Variants in MPI observed in about 807,000 individuals in gnomAD.
MPI encodes mannose-6-phosphate isomerase.
Under a neutral mutation model 40.1 loss-of-function variants are expected in MPI, and 33 were observed. The observed-to-expected ratio is 0.82, with a 90% CI of 0.62 to 1.10. The LOEUF (loss-of-function observed/expected upper bound fraction) is 1.10. Among genes scored for constraint, MPI ranks in the 50% least tolerant of loss-of-function variants. The pLI is 0.00. For missense variants in MPI, 514 were observed against 524.1 expected (o/e 0.98, Z 0.19); for synonymous variants, 187 against 207.4 (o/e 0.90, Z 0.85).
Position 74,897,202 on chromosome 15 carries a change from A to G in MPI, c.1036A>G (p.Thr346Ala), listed in dbSNP as rs1393245343. 1 of 1,613,982 alleles carries G rather than the reference A, an allele frequency of 6.2e-7. No homozygotes were observed. Among genetic ancestry groups the G allele is most frequent in the African/African-American group, 1.3e-5 (1 of 74,888 alleles). The change falls in exon 7 of 8, where the codon ACC becomes GCC. Residue 346 changes from threonine to alanine, a missense_variant. Transcript: ENST00000352410. Reference sequence around the variant, plus strand: ...CTATGACCCCCCTGTACCAGACTTCACCATTATGAAGACGGAGGTGAGTGA... The same window carrying G: ...CTATGACCCCCCTGTACCAGACTTCGCCATTATGAAGACGGAGGTGAGTGA... ...SIYDPPVPDF[T>A]IMKTEVPGSV...
Position 74,894,217 on chromosome 15 carries a change from G to A in MPI, c.670+897G>A, listed in dbSNP as rs543502559. Among the ~76,000 whole-genome samples the A allele has an allele frequency of 3.6e-5, 5 of 139,522 alleles. No individual in the cohort carries two copies. The South Asian group carries it at 1.1e-3, about 29-fold the overall frequency. The allele number at this position is 139,522 out of a possible 152,430, so 91.5% of individuals were successfully genotyped here. On this transcript the variant is annotated intron_variant, in intron 5 of 7. Transcript: ENST00000352410. Reference sequence around the variant, plus strand: ...TCCTGCTTCAGCCTCCTGAGTAGCTGGGATTACAGGCATGTGCCACCACAT... The same window carrying A: ...TCCTGCTTCAGCCTCCTGAGTAGCTAGGATTACAGGCATGTGCCACCACAT...
intron 3 of MPI, among the ~76,000 whole-genome samples, chr15:74,892,289 G>A (rs1303927473): frequency 1.3e-5 from 2 of 152,194 alleles, no homozygotes; most frequent in African/African-American, 4.8e-5. Flanking sequence ...ACCATGCCCA[G>A]CCAAAACTCC....
chr15:74,896,960 G>A, intron 6 of MPI, 51 bp from the exon 7 acceptor site: 1 of 1,571,202 alleles, frequency 6.4e-7, no homozygotes, highest in Non-Finnish European at 8.8e-7. Context: ...CCCAGAACTG[G>A]AGAGCTAAGG....
At chr15:74,897,264 T>C (rs1340814312) in intron 7 of MPI, 45 bp downstream of exon 7, 2 of 1,602,904 alleles carry the variant, frequency 1.2e-6, no homozygotes, top group Non-Finnish European at 1.7e-6. Flanking sequence ...GCCATGAAAA[T>C]CTCTGGCAAG....
intron 5 of MPI, chr15:74,895,913 A>C: frequency 1.8e-6 from 1 of 554,076 alleles, no homozygotes; most frequent in Non-Finnish European, 3.3e-6. Flanking sequence ...TTTAGTGGCT[A>C]GTATAGTCCT....
At chr15:74,891,092 A>G in intron 2 of MPI, 1 of 591,092 alleles carries the variant, frequency 1.7e-6, no homozygotes, top group African/African-American at 1.8e-5. Context: ...CTACCTTGAC[A>G]GTGCAGATGT....
chr15:74,890,142 G>A lies in MPI; in HGVS notation c.16+53G>A, dbSNP rs769702867. ...GTGTGTTCGTGGAGCGCGTCCTGGG[G>A]ACGACTCCCGGCATTATCGGCCAGG... On this transcript the variant is annotated intron_variant, in intron 1 of 7. Transcript: ENST00000352410. The A allele has an allele frequency of 2.5e-6, 4 of 1,603,574 alleles. No homozygotes were observed. The East Asian group carries it at 8.9e-5, about 36-fold the overall frequency.
intron 5 of MPI, chr15:74,893,570 T>C: frequency 3.2e-6 from 2 of 615,686 alleles, no homozygotes; most frequent in Non-Finnish European, 5.9e-6. Context: ...CATAGAGGAC[T>C]CTTAGGATGC....
intron 5 of MPI, among the ~76,000 whole-genome samples, chr15:74,895,022 A>G (rs1488312422): frequency 6.8e-6 from 1 of 147,806 alleles, no homozygotes; most frequent in Non-Finnish European, 1.5e-5. Flanking sequence ...GCTGGAGTGC[A>G]GTGGTGCAAT....
chr15:74,892,690 T>TCCGCAGCACTACCCCGATGCC lies in MPI; in HGVS notation c.376_396dup (p.Pro126_Ala132dup), dbSNP rs1174242508. The TCCGCAGCACTACCCCGATGCC allele has an allele frequency of 6.2e-7, 1 of 1,614,232 alleles. No individual in the cohort carries two copies. The highest frequency in any genetic ancestry group is 2.2e-5 in the East Asian group (1 of 44,888). On this transcript the variant is annotated inframe_insertion, in exon 4 of 8. Coordinates refer to ENST00000352410, the MANE Select transcript of MPI (RefSeq NM_002435.3). Reference sequence around the variant, plus strand: ...TGGCAGAGAAGCTGCACCTCCAGGCTCCGCAGCACTACCCCGATGCCAACC... The same window carrying TCCGCAGCACTACCCCGATGCC: ...TGGCAGAGAAGCTGCACCTCCAGGCTCCGCAGCACTACCCCGATGCCCCGCAGCACTACCCCGATGCCAACC...
intron 4 of MPI, 154 bp downstream of exon 4, chr15:74,892,956 G>T (rs1371205230): frequency 5.8e-6 from 8 of 1,369,428 alleles, no homozygotes; most frequent in Non-Finnish European, 7.2e-6. Context: ...AGGCCAGTGA[G>T]ACCAGGCTCA....
At position 74,892,710 on chromosome 15, in the gene MPI, CCAACCA is replaced by C. The variant is rs748275386; in HGVS notation, c.399_404del (p.Asn133_His134del). 1.3e-5 allele frequency: 21 copies of C among 1,614,270 alleles called. No individual in the cohort carries two copies. The South Asian group carries it at 2.2e-4, about 17-fold the overall frequency. Reference sequence around the variant, plus strand: ...CAGGCTCCGCAGCACTACCCCGATGCCAACCACAAGCCAGAGATGGCCATTGCCCTC... The same window carrying C: ...CAGGCTCCGCAGCACTACCCCGATGCCAAGCCAGAGATGGCCATTGCCCTC... On this transcript the variant is annotated inframe_deletion, in exon 4 of 8. Coordinates refer to ENST00000352410, the MANE Select transcript of MPI (RefSeq NM_002435.3).
chr15:74,890,787 T>G, intron 2 of MPI, 133 bp downstream of exon 2: 1 of 1,183,172 alleles, frequency 8.5e-7, no homozygotes, highest in Admixed American at 1.8e-5. Context: ...TTCAGGCTAA[T>G]GGACTAGATA....
intron 2 of MPI, chr15:74,890,931 AT>A: frequency 6.7e-6 from 4 of 597,836 alleles, no homozygotes; most frequent in Admixed American, 2.6e-5. Flanking sequence ...TACTTTGACT[AT>A]TTTTTTGCAT....
intron 5 of MPI, among the ~76,000 whole-genome samples, chr15:74,894,024 T>G (rs2141201791): frequency 7.0e-6 from 1 of 143,060 alleles, no homozygotes. Context: ...GACCCAAGCA[T>G]ATTTTTTTCT....
chr15:74,896,091 G>A, intron 5 of MPI, 61 bp from the exon 6 acceptor site: 1 of 1,596,096 alleles, frequency 6.3e-7, no homozygotes. Context: ...TGGCCAATGT[G>A]GGGCTATGAA....
At chr15:74,896,970 G>A (rs2064827326) in intron 6 of MPI, 41 bp from the exon 7 acceptor site, 3 of 1,590,572 alleles carry the variant, frequency 1.9e-6, no homozygotes, top group Non-Finnish European at 2.6e-6. Flanking sequence ...GAGAGCTAAG[G>A]CATACTTCAT....
chr15:74,893,512 G>A, intron 5 of MPI, 192 bp downstream of exon 5: 1 of 685,028 alleles, frequency 1.5e-6, no homozygotes, highest in East Asian at 2.7e-5. Context: ...TTAGTTGAGT[G>A]CTGCTTCCCA....
chr15:74,893,142 G>A lies in MPI; in HGVS notation c.492G>A (p.Val164=), dbSNP rs2141200277. The change falls in exon 5 of 8, where the codon GTG becomes GTA. Residue 164 remains valine (V), a synonymous_variant. Transcript: ENST00000352410. ...VEEIVTFLKK[V]PEFQFLIGDE... ...CTGGGCCTTGCCTTCCTGTAGAGGT[G>A]CCTGAGTTTCAGTTCCTGATTGGAG... 2 of 1,613,918 alleles carry A rather than the reference G, an allele frequency of 1.2e-6. No individual in the cohort carries two copies. The highest frequency in any genetic ancestry group is 8.5e-7 in the Non-Finnish European group (1 of 1,180,036).
Sources: allele counts gnomAD v4.1 joint callset (sites outside exome capture counted in the v4.1 genomes callset), GRCh38; gene constraint gnomAD v4.1.1; transcripts MANE v1.5; gene names NCBI Gene and HGNC (gene_info 2026-07-23, HGNC 2026-07-21).